CNIH2: variants seen among roughly 807,000 people sequenced by gnomAD.
The protein encoded by CNIH2 is cornichon family AMPA receptor auxiliary protein 2.
CNIH2 carries 8 observed loss-of-function variants against 22.9 expected under a neutral mutation model. That is an observed-to-expected ratio of 0.35 (90% CI 0.20 to 0.63). The LOEUF is 0.63. CNIH2 is among the 30% of genes least tolerant of loss of function. The pLI is 0.72. For synonymous variants in CNIH2, 74 were observed against 78.2 expected (o/e 0.95, Z 0.28); for missense variants, 105 against 206.2 (o/e 0.51, Z 3.01).
At chr11:66,282,533 G>A (rs1857275151) in intron 2 of CNIH2, 200 bp from the exon 3 acceptor site, 1 of 850,316 alleles carries the variant, frequency 1.2e-6, no homozygotes, top group South Asian at 1.7e-5. Flanking sequence ...CCAGGCTCTG[G>A]GCCGTTGCCA....
At chr11:66,281,284 C>A in intron 1 of CNIH2, 1 of 431,394 alleles carries the variant, frequency 2.3e-6, no homozygotes, top group South Asian at 1.7e-5. Context: ...ATCCACTAAC[C>A]AGCCGTGTGG....
chr11:66,282,429 G>GTGGGGGGGGGGGGGGGGGGGGCC, intron 2 of CNIH2, 102 bp downstream of exon 2: 2 of 479,462 alleles, frequency 4.2e-6, no homozygotes, highest in Non-Finnish European at 4.2e-6. Context: ...GGGGTGGGGG[G>GTGGGGGGGGGGGGGGGGGGGGCC]CCTACGGCCA....
Position 66,283,234 on chromosome 11 carries a change from CCT to C in CNIH2, c.312-13_312-12del, listed in dbSNP as rs747289396. 20 of 1,613,762 alleles carry C rather than the reference CCT, an allele frequency of 1.2e-5. No individual in the cohort carries two copies. Among genetic ancestry groups the C allele is most frequent in the Non-Finnish European group, 1.5e-5 (18 of 1,179,960 alleles). ...AGTCCTGATGGCAGACACTCAGGCCCCTGTCTGCCCCAGGTACTTCCACCGTC... is the reference window on the plus strand; with the variant it reads ...AGTCCTGATGGCAGACACTCAGGCCCGTCTGCCCCAGGTACTTCCACCGTC... On this transcript the variant is annotated splice_polypyrimidine_tract_variant and intron_variant, in intron 4 of 5. Transcript: ENST00000311445.
chr11:66,282,466 C>T lies in CNIH2; in HGVS notation c.150+139C>T, dbSNP rs565168589. The T allele has an allele frequency of 1.1e-5, 12 of 1,070,122 alleles. No homozygotes were observed. In the African/African-American group the frequency reaches 1.7e-4, roughly 15 times the overall value. 66.3% of individuals were successfully genotyped at this position (1,070,122 alleles called of 1,614,324 possible). A position where few individuals can be genotyped will look rare whatever the true frequency, so the allele number is the denominator to read the frequency against. ...GCCCCCTTCCTCTCTGTCTCCGCCC[C>T]CAGCAAACACCTGGCGCGGGCTCAG... is the stretch of plus-strand genomic sequence containing the variant. On this transcript the variant is annotated intron_variant, in intron 2 of 5. Coordinates refer to ENST00000311445, the MANE Select transcript of CNIH2 (RefSeq NM_182553.3).
intron 2 of CNIH2, 91 bp downstream of exon 2, chr11:66,282,418 T>TGGGGG: frequency 1.9e-5 from 3 of 161,822 alleles, no homozygotes; most frequent in Non-Finnish European, 3.6e-5. Flanking sequence ...AAGACGGGGG[T>TGGGGG]GGGGTGGGGG....
intron 5 of CNIH2, 28 bp downstream of exon 5, chr11:66,283,419 C>A: frequency 6.2e-7 from 1 of 1,613,652 alleles, no homozygotes; most frequent in East Asian, 2.2e-5. Context: ...GCAGTCAGAA[C>A]TCAGGGAAGG....
chr11:66,282,716 T>C lies in CNIH2; in HGVS notation c.151-17T>C. 6.2e-7 allele frequency: 1 copy of C among 1,613,726 alleles called. No individual in the cohort carries two copies. Among genetic ancestry groups the C allele is most frequent in the Non-Finnish European group, 8.5e-7 (1 of 1,179,962 alleles). ...CTTCTCCGCCACCCCATCGCGGCCT[T>C]TTCCTTCCCCCAACAGCGCGAGCGT... On this transcript the variant is annotated splice_polypyrimidine_tract_variant and intron_variant, in intron 2 of 5. Coordinates refer to ENST00000311445, the MANE Select transcript of CNIH2 (RefSeq NM_182553.3).
Position 66,283,294 on chromosome 11 carries a change from G to A in CNIH2, c.358G>A (p.Val120Ile). The A allele has an allele frequency of 6.2e-7, 1 of 1,614,116 alleles. No individual in the cohort carries two copies. The highest frequency in any genetic ancestry group is 8.5e-7 in the Non-Finnish European group (1 of 1,180,004). The change falls in exon 5 of 6, where the codon GTC becomes ATC. Residue 120 changes from valine to isoleucine, a missense_variant. By Grantham distance (29) the Val-to-Ile change is conservative. Coordinates refer to ENST00000311445, the MANE Select transcript of CNIH2 (RefSeq NM_182553.3). ...TGGCTCTGAGGTCATGTATGATGCG[G>A]TCTCCATCATGAATGCTGACATTCT... ...ADGSEVMYDA[V>I]SIMNADILNY...
chr11:66,283,195 A>G, intron 4 of CNIH2, 48 bp downstream of exon 4: 1 of 1,613,738 alleles, frequency 6.2e-7, no homozygotes, highest in Non-Finnish European at 8.5e-7. Context: ...GAACAGGGGC[A>G]GGATGGGGGT....
In CNIH2 at chr11:66,283,866, G is replaced by A. The variant is rs1434819075; in HGVS notation, c.*269G>A. The A allele has an allele frequency of 2.0e-6, 1 of 490,340 alleles. No homozygotes were observed. The highest frequency in any genetic ancestry group is 1.9e-5 in the African/African-American group (1 of 51,436). 30.4% of individuals were successfully genotyped at this position (490,340 alleles called of 1,614,324 possible). A position where few individuals can be genotyped will look rare whatever the true frequency, so the allele number is the denominator to read the frequency against. ...GGGCATGGCAGTCATTCCTGGAAGG[G>A]GCAGGACCTCCGGCCTTGTCCATTT... On this transcript the variant is annotated 3_prime_UTR_variant, in exon 6 of 6. Coordinates refer to ENST00000311445, the MANE Select transcript of CNIH2 (RefSeq NM_182553.3).
chr11:66,281,380 G>A, intron 1 of CNIH2: 1 of 456,274 alleles, frequency 2.2e-6, no homozygotes, highest in Non-Finnish European at 4.4e-6. Context: ...TCATAAGGTT[G>A]TTAAGAATTA....
chr11:66,283,855 T>G lies in CNIH2; in HGVS notation c.*258T>G. On this transcript the variant is annotated 3_prime_UTR_variant, in exon 6 of 6. Coordinates refer to ENST00000311445, the MANE Select transcript of CNIH2 (RefSeq NM_182553.3). ...TGCCAGCCTGTGGGCATGGCAGTCA[T>G]TCCTGGAAGGGGCAGGACCTCCGGC... 3 of 502,080 alleles carry G rather than the reference T, an allele frequency of 6.0e-6. No individual in the cohort carries two copies. Among genetic ancestry groups the G allele is most frequent in the Admixed American group, 6.8e-5 (2 of 29,272 alleles). 31.1% of individuals were successfully genotyped at this position (502,080 alleles called of 1,614,324 possible).
intron 1 of CNIH2, among the ~76,000 whole-genome samples, chr11:66,278,925 C>CA (rs1166240672): frequency 9.2e-6 from 1 of 108,970 alleles, no homozygotes; most frequent in Non-Finnish European, 2.1e-5. Context: ...GCCCCCCCCC[C>CA]CCCGCCTTTG....
rs1487927627 is a variant in CNIH2, at chr11:66,283,633, C to T, written c.*36C>T. 2.6e-6 allele frequency: 4 copies of T among 1,555,558 alleles called. No homozygotes were observed. Among genetic ancestry groups the T allele is most frequent in the Non-Finnish European group, 3.5e-6 (4 of 1,149,202 alleles). On this transcript the variant is annotated 3_prime_UTR_variant, in exon 6 of 6. Transcript: ENST00000311445. ...GGCCAGGGAGCGAGCCCAGAACGGA[C>T]CGGACGCCTGTGCACCCCCAGCCCT...
chr11:66,283,193 G>T, intron 4 of CNIH2, 46 bp downstream of exon 4: 1 of 1,613,754 alleles, frequency 6.2e-7, no homozygotes, highest in Non-Finnish European at 8.5e-7. Context: ...GGGAACAGGG[G>T]CAGGATGGGG....
At chr11:66,282,899 G>GT in intron 3 of CNIH2, 119 bp downstream of exon 3, 1 of 1,411,022 alleles carries the variant, frequency 7.1e-7, no homozygotes, top group Non-Finnish European at 9.9e-7. Context: ...TTGGGAGGGA[G>GT]TGGGAAGCCA....
chr11:66,282,550 C>T (rs1857275400), intron 2 of CNIH2, 183 bp from the exon 3 acceptor site: 1 of 851,180 alleles, frequency 1.2e-6, no homozygotes, highest in Non-Finnish European at 1.9e-6. Context: ...GCCATGGAGA[C>T]GCGGGTGAAG....
In CNIH2 at chr11:66,283,812, C is replaced by A. The variant is rs2080660488; in HGVS notation, c.*215C>A. 1 of 566,650 alleles carries A rather than the reference C, an allele frequency of 1.8e-6. No homozygotes were observed. 35.1% of individuals were successfully genotyped at this position (566,650 alleles called of 1,614,324 possible). ...TAGAGCGGCTGGGCAGAGCTCTAAA[C>A]AGGGGCAGGGGCTCCTCTGCCAGCC... On this transcript the variant is annotated 3_prime_UTR_variant, in exon 6 of 6. Coordinates refer to ENST00000311445, the MANE Select transcript of CNIH2 (RefSeq NM_182553.3).
chr11:66,278,599 G>A, intron 1 of CNIH2, 62 bp downstream of exon 1: 1 of 1,198,438 alleles, frequency 8.3e-7, no homozygotes, highest in Non-Finnish European at 1.1e-6. Flanking sequence ...CGCGGAGCTG[G>A]AGGGACCCAG....
Sources: gnomAD v4.1 joint callset for allele counts (sites outside exome capture counted in the v4.1 genomes callset) on GRCh38, gnomAD v4.1.1 for gene constraint, MANE v1.5 for transcripts, NCBI Gene and HGNC (gene_info 2026-07-23, HGNC 2026-07-21) for gene names.